Variants in DRC4 observed in about 807,000 individuals in gnomAD.
DRC4 encodes GAS-11.
the DRC4 span, chr16:90,040,387 C>T: frequency 6.2e-7 from 1 of 1,611,472 alleles, no homozygotes; most frequent in Non-Finnish European, 8.5e-7. Flanking sequence ...GAACCTCGTG[C>T]TAGAACGCAA....
At chr16:90,043,122 A>G in the DRC4 span, 40 of 1,488,586 alleles carry the variant, frequency 2.7e-5, 1 homozygote, top group South Asian at 4.2e-4. Context: ...CTGCCCCTCC[A>G]TGGAGCTGCA....
the DRC4 span, chr16:90,035,706 C>G: frequency 6.2e-7 from 1 of 1,614,174 alleles, no homozygotes; most frequent in Non-Finnish European, 8.5e-7. Context: ...CCCGTGTGCT[C>G]ATTGTGTAGG....
chr16:90,044,558 C>A, the DRC4 span: 1 of 471,094 alleles, frequency 2.1e-6, no homozygotes, highest in Non-Finnish European at 4.4e-6. Context: ...CCCTCAGTGT[C>A]GAAGGTGAGC....
the DRC4 span, chr16:90,037,091 A>G: frequency 2.7e-6 from 2 of 740,396 alleles, no homozygotes; most frequent in Non-Finnish European, 2.2e-6. Flanking sequence ...GTTTATACAT[A>G]GAAGACGTCT....
At chr16:90,031,427 G>C in the DRC4 span, 1 of 1,612,258 alleles carries the variant, frequency 6.2e-7, no homozygotes, top group Non-Finnish European at 8.5e-7. Context: ...TGGAGGAGAA[G>C]AAGGCTGAGC....
the DRC4 span, chr16:90,032,914 A>G: frequency 1.2e-6 from 2 of 1,613,278 alleles, no homozygotes; most frequent in South Asian, 2.2e-5. Flanking sequence ...GTGGTGAAGA[A>G]CCTGCGGCTG....
At chr16:90,027,617 C>G in the DRC4 span, 17 of 1,612,698 alleles carry the variant, frequency 1.1e-5, no homozygotes, top group Non-Finnish European at 1.4e-5. Flanking sequence ...TCTCTCTTAC[C>G]CCATTATTTC....
At chr16:90,028,837 A>T in the DRC4 span, 8 of 838,348 alleles carry the variant, frequency 9.5e-6, no homozygotes, top group Non-Finnish European at 1.3e-5. Context: ...GTTGTAAGAT[A>T]AAAAATCAAT....
the DRC4 span, chr16:90,037,165 C>G: frequency 2.0e-6 from 3 of 1,480,004 alleles, no homozygotes; most frequent in Non-Finnish European, 2.7e-6. Context: ...CAGCTCTCAC[C>G]ATGCAGGCCA....
At chr16:90,027,585 C>T in the DRC4 span, 1 of 1,580,170 alleles carries the variant, frequency 6.3e-7, no homozygotes, top group Non-Finnish European at 8.7e-7. Flanking sequence ...CAGAGCCAGC[C>T]AAGAAGGGGA....
the DRC4 span, among the ~76,000 whole-genome samples, chr16:90,042,069 C>A: frequency 6.6e-6 from 1 of 152,046 alleles, no homozygotes; most frequent in Non-Finnish European, 1.5e-5. Context: ...TCCTGAGTAG[C>A]TGGGATTACA....
chr16:90,037,461 G>A, the DRC4 span: 2 of 1,534,610 alleles, frequency 1.3e-6, no homozygotes. Flanking sequence ...TCAGGAGGGA[G>A]GAGCATCACA....
the DRC4 span, among the ~76,000 whole-genome samples, chr16:90,021,533 C>T: frequency 6.6e-6 from 1 of 151,910 alleles, no homozygotes; most frequent in Non-Finnish European, 1.5e-5. Flanking sequence ...ATTCTCCCAC[C>T]TCAACCTCCC....
At chr16:90,040,429 A>G in the DRC4 span, 13 of 1,612,132 alleles carry the variant, frequency 8.1e-6, no homozygotes, top group South Asian at 3.3e-5. Flanking sequence ...TGTGGAGAAG[A>G]AGGAGGTGCA....
At chr16:90,029,451 T>G in the DRC4 span, 2 of 643,948 alleles carry the variant, frequency 3.1e-6, no homozygotes, top group Admixed American at 3.4e-5. Context: ...GAATATTGAG[T>G]GATGGCAAAA....
the DRC4 span, chr16:90,036,577 C>T: frequency 1.3e-6 from 2 of 1,577,510 alleles, no homozygotes; most frequent in African/African-American, 1.4e-5. Context: ...CCCTCATCAA[C>T]TCCCTCAAGG....
the DRC4 span, chr16:90,036,751 A>G: frequency 2.7e-6 from 2 of 735,592 alleles, no homozygotes; most frequent in African/African-American, 3.5e-5. Flanking sequence ...AAATTCCTAA[A>G]TAACGTAACC....
the DRC4 span, chr16:90,028,973 C>T: frequency 3.1e-6 from 4 of 1,304,770 alleles, no homozygotes; most frequent in South Asian, 3.7e-5. Context: ...AGTGGCTAAG[C>T]AGAGAGGTGA....
chr16:90,034,664 T>A, the DRC4 span, among the ~76,000 whole-genome samples: 18 of 151,936 alleles, frequency 1.2e-4, no homozygotes, highest in Admixed American at 2.6e-4. Context: ...TTTATTTTTT[T>A]ATGCAAATTT....
Sources: gnomAD v4.1 joint callset for allele counts (sites outside exome capture counted in the v4.1 genomes callset) on GRCh38, gnomAD v4.1.1 for gene constraint, MANE v1.5 for transcripts, NCBI Gene and HGNC (gene_info 2026-07-23, HGNC 2026-07-21) for gene names.